STIM2: variants seen among roughly 807,000 people sequenced by gnomAD.
The protein encoded by STIM2 is stromal interaction molecule 2.
Under a neutral mutation model 85.8 loss-of-function variants are expected in STIM2, and 31 were observed. The observed-to-expected ratio is 0.36, with a 90% CI of 0.27 to 0.49. STIM2 has a LOEUF of 0.49. Among genes scored for constraint, STIM2 ranks in the 20% least tolerant of loss-of-function variants. The probability of loss-of-function intolerance (pLI) is 0.98; values close to 1 mark genes in which losing one functional copy is unlikely to be tolerated. For missense variants in STIM2, 841 were observed against 927.6 expected, an observed-to-expected ratio of 0.91 and a Z score of 1.21; for synonymous variants, 356 against 331.1, an observed-to-expected ratio of 1.08 and a Z score of -0.82.
chr4:26,994,296 C>T (rs1168578764), intron 3 of STIM2, among the ~76,000 whole-genome samples: 1 of 152,014 alleles, frequency 6.6e-6, no homozygotes. Context: ...CAATCTTTTC[C>T]TCCCCATTCT....
intron 1 of STIM2, 62 bp downstream of exon 1, chr4:26,861,431 C>G (rs2109418428): frequency 1.6e-6 from 2 of 1,256,892 alleles, no homozygotes; most frequent in East Asian, 6.5e-5. Context: ...CCAACCCGTG[C>G]AGAGGTCAGC....
intron 2 of STIM2, among the ~76,000 whole-genome samples, chr4:26,927,610 G>A (rs1301569406): frequency 1.6e-5 from 1 of 64,008 alleles, no homozygotes; most frequent in African/African-American, 6.3e-5. Context: ...CAGCGCACCA[G>A]CATGGCACAT....
chr4:26,962,746 T>C (rs1005663115), intron 3 of STIM2, among the ~76,000 whole-genome samples: 1 of 152,194 alleles, frequency 6.6e-6, no homozygotes, highest in African/African-American at 2.4e-5. Context: ...AATTACTGAA[T>C]GTATTTAAAT....
At chr4:26,936,830 C>T (rs1458725900) in intron 2 of STIM2, among the ~76,000 whole-genome samples, 1 of 152,160 alleles carries the variant, frequency 6.6e-6, no homozygotes, top group Non-Finnish European at 1.5e-5. Flanking sequence ...CGCTCTGTCA[C>T]CCAGGCTGGA....
intron 11 of STIM2, chr4:27,019,360 G>C (rs1182527309): frequency 8.4e-7 from 1 of 1,187,276 alleles, no homozygotes; most frequent in South Asian, 1.3e-5. Flanking sequence ...GACTTTGCTT[G>C]GTTAACACTT....
chr4:26,917,481 A>G (rs182187017), intron 1 of STIM2, among the ~76,000 whole-genome samples: 213 of 152,300 alleles, frequency 1.4e-3, no homozygotes, highest in Middle Eastern at 3.4e-3. Flanking sequence ...AGTGTTTATG[A>G]AAGACTTCAT....
At chr4:27,016,689 C>T (rs1728743354) in intron 10 of STIM2, among the ~76,000 whole-genome samples, 1 of 152,072 alleles carries the variant, frequency 6.6e-6, no homozygotes, top group Non-Finnish European at 1.5e-5. Context: ...GGAATGTAGC[C>T]CTTCTAGGTC....
At chr4:27,015,175 T>C (rs1169409656) in intron 10 of STIM2, among the ~76,000 whole-genome samples, 2 of 152,042 alleles carry the variant, frequency 1.3e-5, no homozygotes, top group Non-Finnish European at 2.9e-5. Context: ...TCTGTTTGAA[T>C]TTATCTCTGG....
At chr4:26,921,114 G>A (rs1027860765) in intron 2 of STIM2, among the ~76,000 whole-genome samples, 1 of 152,130 alleles carries the variant, frequency 6.6e-6, no homozygotes, top group Non-Finnish European at 1.5e-5. Flanking sequence ...AGAGGAGAAC[G>A]CCATGTGGAG....
chr4:26,871,728 A>G (rs1330571096), intron 1 of STIM2, among the ~76,000 whole-genome samples: 4 of 131,952 alleles, frequency 3.0e-5, no homozygotes, highest in Middle Eastern at 4.9e-3. Context: ...TTTTTGGTAG[A>G]GACAGAGTCT....
intron 2 of STIM2, among the ~76,000 whole-genome samples, chr4:26,941,197 G>T (rs73251760): frequency 1.3e-5 from 2 of 152,132 alleles, no homozygotes; most frequent in Non-Finnish European, 2.9e-5. Flanking sequence ...TTAGGATTTC[G>T]TTCAGTCTCT....
intron 1 of STIM2, among the ~76,000 whole-genome samples, chr4:26,889,086 A>T (rs1342925356): frequency 6.6e-6 from 1 of 152,194 alleles, no homozygotes; most frequent in African/African-American, 2.4e-5. Context: ...AGAATAGGCA[A>T]CAAAAATTTC....
intron 1 of STIM2, among the ~76,000 whole-genome samples, chr4:26,905,684 C>T (rs1272118553): frequency 6.6e-6 from 1 of 152,024 alleles, no homozygotes; most frequent in Non-Finnish European, 1.5e-5. Flanking sequence ...AAATATAAAT[C>T]GGCTAAATCC....
chr4:26,907,335 A>G (rs1390718756), intron 1 of STIM2, among the ~76,000 whole-genome samples: 1 of 152,172 alleles, frequency 6.6e-6, no homozygotes, highest in African/African-American at 2.4e-5. Flanking sequence ...ATAGGTAGAA[A>G]GGACCATAGT....
chr4:26,942,338 C>A (rs1725640790), intron 2 of STIM2, among the ~76,000 whole-genome samples: 1 of 152,136 alleles, frequency 6.6e-6, no homozygotes, highest in East Asian at 1.9e-4. Context: ...TTTCCCTTTT[C>A]TACTGTAATT....
intron 10 of STIM2, among the ~76,000 whole-genome samples, chr4:27,016,025 A>G (rs1050694901): frequency 4.6e-5 from 7 of 151,992 alleles, no homozygotes; most frequent in African/African-American, 1.7e-4. Flanking sequence ...TGATCTATCT[A>G]TGCTGCATTT....
At chr4:26,961,701 G>T (rs1347602472) in intron 3 of STIM2, among the ~76,000 whole-genome samples, 1 of 152,120 alleles carries the variant, frequency 6.6e-6, no homozygotes, top group Non-Finnish European at 1.5e-5. Flanking sequence ...TGGTGTTCGG[G>T]TTGACCCAGG....
intron 2 of STIM2, among the ~76,000 whole-genome samples, chr4:26,950,895 T>G (rs1282769777): frequency 6.6e-6 from 1 of 152,042 alleles, no homozygotes; most frequent in Non-Finnish European, 1.5e-5. Flanking sequence ...TTAGAAGCTT[T>G]CATAGGTTTG....
intron 3 of STIM2, among the ~76,000 whole-genome samples, chr4:26,967,263 G>A (rs1726758855): frequency 6.6e-6 from 1 of 152,168 alleles, no homozygotes; most frequent in Non-Finnish European, 1.5e-5. Context: ...AGCAAACAAA[G>A]AGATTTGTGA....
Sources: gnomAD v4.1 joint callset for allele counts (sites outside exome capture counted in the v4.1 genomes callset) on GRCh38, gnomAD v4.1.1 for gene constraint, MANE v1.5 for transcripts, NCBI Gene and HGNC (gene_info 2026-07-23, HGNC 2026-07-21) for gene names.